The following EDA variants were observed in gnomAD, a reference collection of about 807,000 sequenced individuals.
The protein encoded by EDA is ectodysplasin-A.
EDA carries 2 observed loss-of-function variants against 23.6 expected under a neutral mutation model. That is an observed-to-expected ratio of 0.08 (90% CI 0.03 to 0.27). EDA has a LOEUF of 0.27. EDA is among the 10% of genes least tolerant of loss of function. The probability of loss-of-function intolerance (pLI) is 1.00; values close to 1 mark genes in which losing one functional copy is unlikely to be tolerated. For missense variants in EDA, 229 were observed against 324.2 expected (o/e 0.71, Z 2.26); for synonymous variants, 131 against 132.0 (o/e 0.99, Z 0.05).
chrX:69,871,697 A>G (rs777047636), intron 1 of EDA, among the ~76,000 whole-genome samples: 2 of 112,441 alleles, frequency 1.8e-5, no homozygotes, highest in Admixed American at 1.9e-4. Context: ...CCTCAATCCA[A>G]CCAAGTTGGC....
chrX:69,646,468 T>G (rs1932930324), intron 1 of EDA, among the ~76,000 whole-genome samples: 1 of 111,897 alleles, frequency 8.9e-6, no homozygotes, highest in East Asian at 2.8e-4. Context: ...CTTTGTTGAT[T>G]TAAAGTCTGT....
At chrX:69,709,817 ATGT>A (rs1486423137) in intron 1 of EDA, among the ~76,000 whole-genome samples, 1 of 111,216 alleles carries the variant, frequency 9.0e-6, no homozygotes, top group Non-Finnish European at 1.9e-5. Flanking sequence ...TTTTAAACTG[ATGT>A]TGTTATTAAG....
chrX:69,919,807 G>A (rs2018399738), intron 1 of EDA, among the ~76,000 whole-genome samples: 2 of 111,704 alleles, frequency 1.8e-5, no homozygotes. Context: ...TAGCATTATT[G>A]CAAGAAAAAA....
intron 2 of EDA, among the ~76,000 whole-genome samples, chrX:70,009,459 T>A (rs1440464739): frequency 8.9e-6 from 1 of 112,460 alleles, no homozygotes; most frequent in Non-Finnish European, 1.9e-5. Flanking sequence ...TTTTGATAGG[T>A]TTCATTTTAA....
intron 1 of EDA, among the ~76,000 whole-genome samples, chrX:69,758,663 C>T (rs2014201210): frequency 3.6e-5 from 4 of 111,614 alleles, no homozygotes; most frequent in Admixed American, 9.5e-5. Flanking sequence ...GATGAAACCC[C>T]GTCTGTACTA....
intron 4 of EDA, among the ~76,000 whole-genome samples, chrX:70,028,992 T>C: frequency 8.9e-6 from 1 of 112,802 alleles, no homozygotes; most frequent in Non-Finnish European, 1.9e-5. Context: ...AGAGATTTTT[T>C]TTCAACCAAT....
intron 1 of EDA, chrX:69,937,483 GTTC>G: frequency 1.2e-6 from 1 of 803,665 alleles, no homozygotes; most frequent in Non-Finnish European, 1.9e-6. Flanking sequence ...AAGAAGTCAA[GTTC>G]TTCTTCAGGC....
chrX:70,014,916 T>C (rs1032375418), intron 2 of EDA, among the ~76,000 whole-genome samples: 1 of 112,143 alleles, frequency 8.9e-6, no homozygotes, highest in Admixed American at 9.5e-5. Flanking sequence ...TAGGGAATTA[T>C]GTAAAGACAT....
At chrX:69,883,571 T>C (rs773693067) in intron 1 of EDA, among the ~76,000 whole-genome samples, 2 of 111,837 alleles carry the variant, frequency 1.8e-5, no homozygotes, top group South Asian at 7.5e-4. Context: ...TATCTATACG[T>C]TGATGGCCAG....
intron 1 of EDA, among the ~76,000 whole-genome samples, chrX:69,939,514 G>T (rs899738213): frequency 2.9e-4 from 32 of 111,178 alleles, no homozygotes; most frequent in African/African-American, 9.8e-4. Flanking sequence ...CCACATATAA[G>T]ATCATTTCAT....
At chrX:69,717,582 C>T (rs749193207) in intron 1 of EDA, among the ~76,000 whole-genome samples, 14 of 105,211 alleles carry the variant, frequency 1.3e-4, no homozygotes, top group South Asian at 8.9e-4. Flanking sequence ...TGCAGTGGCA[C>T]GATCTCAGCT....
At chrX:69,997,599 T>A (rs1439339278) in intron 2 of EDA, among the ~76,000 whole-genome samples, 2 of 112,838 alleles carry the variant, frequency 1.8e-5, no homozygotes, top group Non-Finnish European at 3.7e-5. Context: ...CAAATGTTAA[T>A]CCCCAAGACA....
intron 3 of EDA, among the ~76,000 whole-genome samples, chrX:70,024,190 T>C (rs1278329670): frequency 3.5e-5 from 4 of 112,817 alleles, no homozygotes; most frequent in Non-Finnish European, 7.5e-5. Context: ...ATAAGATTTA[T>C]GGAGCTTTAT....
chrX:69,969,114 G>A (rs547559199), intron 2 of EDA, among the ~76,000 whole-genome samples: 1 of 112,231 alleles, frequency 8.9e-6, no homozygotes, highest in South Asian at 3.7e-4. Flanking sequence ...CTGGAAAGAA[G>A]AGGTCTTTGT....
rs765558235 is a variant in EDA at position 69,769,121 on chromosome X, A to G, written c.396+152417A>G. ...CCCAGAGCGTGATCTAGCTTGGTAA[A>G]TGTTCCATGGGCAGTTGTGTACTCG... On this transcript the variant is annotated intron_variant, in intron 1 of 7. Coordinates refer to ENST00000374552, the MANE Select transcript of EDA (RefSeq NM_001399.5). Among the ~76,000 whole-genome samples, 4 of 111,454 alleles carry G rather than the reference A, an allele frequency of 3.6e-5. No individual in the cohort carries two copies. In the East Asian group the frequency reaches 1.1e-3, roughly 31 times the overall value.
intron 1 of EDA, among the ~76,000 whole-genome samples, chrX:69,768,006 GCATT>G (rs1257921517): frequency 8.9e-6 from 1 of 111,916 alleles, no homozygotes; most frequent in African/African-American, 3.2e-5. Flanking sequence ...ATTTGATGAA[GCATT>G]CATTCAAGTA....
chrX:69,758,929 C>G (rs1057454523), intron 1 of EDA, among the ~76,000 whole-genome samples: 14 of 112,223 alleles, frequency 1.2e-4, no homozygotes, highest in Non-Finnish European at 5.6e-5. Context: ...AACCGATTGT[C>G]AAGTTGGAGG....
intron 1 of EDA, among the ~76,000 whole-genome samples, chrX:69,682,680 TCGCACACGGTTCA>T (rs1186006386): frequency 1.8e-5 from 2 of 111,593 alleles, no homozygotes; most frequent in African/African-American, 6.5e-5. Flanking sequence ...CTGCTTCGGC[TCGCACACGGTTCA>T]CGCACCCACT....
chrX:69,881,310 C>T (rs1299877858), intron 1 of EDA, among the ~76,000 whole-genome samples: 1 of 110,840 alleles, frequency 9.0e-6, no homozygotes, highest in East Asian at 2.8e-4. Flanking sequence ...AAACCTCTTA[C>T]TAGATATTTG....
Sources: allele counts gnomAD v4.1 joint callset (sites outside exome capture counted in the v4.1 genomes callset), GRCh38; gene constraint gnomAD v4.1.1; transcripts MANE v1.5; gene names NCBI Gene and HGNC (gene_info 2026-07-23, HGNC 2026-07-21).